The following ACOT11 variants were observed in gnomAD, a reference collection of about 807,000 sequenced individuals.
The protein encoded by ACOT11 is acyl-CoA thioesterase 11.
ACOT11 carries 69 observed loss-of-function variants against 77.5 expected under a neutral mutation model. That is an observed-to-expected ratio of 0.89 (90% CI 0.73 to 1.09). The LOEUF (loss-of-function observed/expected upper bound fraction) is 1.09. Ranked by LOEUF, ACOT11 falls within the 50% of genes least tolerant of loss-of-function variation. The probability of loss-of-function intolerance (pLI) is 0.00; values close to 1 mark genes in which losing one functional copy is unlikely to be tolerated. For synonymous variants in ACOT11, 279 were observed against 313.0 expected, an observed-to-expected ratio of 0.89 and a Z score of 1.15; for missense variants, 766 against 813.7, an observed-to-expected ratio of 0.94 and a Z score of 0.71.
At chr1:54,632,649 G>A (rs1044234823) in intron 16 of ACOT11, among the ~76,000 whole-genome samples, 5 of 152,174 alleles carry the variant, frequency 3.3e-5, no homozygotes, top group African/African-American at 1.2e-4. Context: ...ACAAGGCAAA[G>A]CAGCTTATTG....
In ACOT11 at chr1:54,607,873, T is replaced by A; in HGVS notation, c.1503-69T>A. 1.3e-6 allele frequency: 2 copies of A among 1,593,942 alleles called. No individual in the cohort carries two copies. Among genetic ancestry groups the A allele is most frequent in the Non-Finnish European group, 8.6e-7 (1 of 1,167,314 alleles). On this transcript the variant is annotated intron_variant, in intron 14 of 15. Transcript: ENST00000343744. The surrounding 1 kb of genome is among the most constrained non-coding windows in gnomAD (Gnocchi z 4.5). ...GAGGGGGCAGGGTCTCGGCCTTGGT[T>A]GGGCAGAACAGGCCCCCACTTTCTT...
intron 1 of ACOT11, among the ~76,000 whole-genome samples, chr1:54,553,186 G>A (rs945832396): frequency 1.3e-5 from 2 of 151,558 alleles, no homozygotes; most frequent in Non-Finnish European, 2.9e-5. Context: ...ATTTTAATAT[G>A]CATAGCATAA....
chr1:54,612,428 A>T (rs1198693307), downstream of ACOT11: 23 of 1,269,284 alleles, frequency 1.8e-5, no homozygotes, highest in Non-Finnish European at 2.4e-5. Context: ...AGCTTCTGGG[A>T]TCTTGCTGGG....
rs187793389 is a variant in ACOT11 at position 54,591,745 on chromosome 1, G to C, written c.312-801G>C. On this transcript the variant is annotated intron_variant, in intron 3 of 15. Transcript: ENST00000343744. Reference sequence around the variant, plus strand: ...GGGAATCATTCCAGGAGGACAGGCTGCAGCTGGGAAAAGAGGGGCTGGTGC... The same window carrying C: ...GGGAATCATTCCAGGAGGACAGGCTCCAGCTGGGAAAAGAGGGGCTGGTGC... 1.3e-3 allele frequency among the ~76,000 whole-genome samples: 205 copies of C among 152,358 alleles called. 1 individual carries two copies. The highest frequency in any genetic ancestry group is 4.9e-3 in the African/African-American group (205 of 41,582).
At chr1:54,628,008 G>T (rs1367169031) in intron 15 of ACOT11, 2 of 133,406 alleles carry the variant, frequency 1.5e-5, no homozygotes, top group Non-Finnish European at 3.4e-5. Context: ...GCTTCAACCT[G>T]GATGGGTTGG....
In ACOT11 at chr1:54,584,845, C is replaced by A. The variant is rs1237783034; in HGVS notation, c.224C>A (p.Thr75Asn). 4.3e-6 allele frequency: 7 copies of A among 1,613,348 alleles called. No individual in the cohort carries two copies. In the East Asian group the frequency reaches 1.6e-4, roughly 36 times the overall value. ...GGGCAGCTGCTCAAGTGGATTGACA[C>A]CACGGCTTGCCTGTCCGGTAAGGCT... ...SVGQLLKWID[T>N]TACLSAERHA... Residue 75 changes from threonine to asparagine, a missense_variant, in exon 2 of 16, where the codon ACC (threonine) becomes AAC (asparagine). Transcript: ENST00000343744. This position sits in a 1 kb window ranked among gnomAD's most constrained non-coding sequence, Gnocchi z 6.3.
At position 54,610,016 on chromosome 1, in the gene ACOT11, G is replaced by A. The variant is rs1644099053; in HGVS notation, c.*904G>A. The A allele has an allele frequency of 6.6e-7, 1 of 1,505,300 alleles. No individual in the cohort carries two copies. Among genetic ancestry groups the A allele is most frequent in the Non-Finnish European group, 8.8e-7 (1 of 1,130,754 alleles). The allele number at this position is 1,505,300 out of a possible 1,614,324, so 93.2% of individuals were successfully genotyped here. On this transcript the variant is annotated 3_prime_UTR_variant, in exon 16 of 16. Coordinates refer to ENST00000343744, the MANE Select transcript of ACOT11 (RefSeq NM_147161.4). ...GGTGTTAAGAGTCCCTTGTTAAAGG[G>A]GCAGTGGGAGTTATGGGGTCATCAA...
In ACOT11 at chr1:54,607,253, C is replaced by G; in HGVS notation, c.1490C>G (p.Pro497Arg). The stretch of plus-strand genomic sequence containing the variant: ...GTGATCCTGGCCTCGAGGCGGAAGC[C>G]TTGTGACAATGGGTGTGTGCCTATC... ...DFVILASRRK[P>R]CDNGDPYVIA... Residue 497 changes from proline to arginine, a missense_variant, in exon 14 of 16, where the codon CCT becomes CGT. Physicochemically the swap from Pro to Arg is moderately radical, Grantham distance 103. Transcript: ENST00000343744. This position sits in a 1 kb window ranked among gnomAD's most constrained non-coding sequence, Gnocchi z 4.5. 5 of 1,614,122 alleles carry G rather than the reference C, an allele frequency of 3.1e-6. No homozygotes were observed. The highest frequency in any genetic ancestry group is 4.2e-6 in the Non-Finnish European group (5 of 1,180,004).
chr1:54,552,438 A>G (rs1020632415), intron 1 of ACOT11, among the ~76,000 whole-genome samples: 7 of 152,070 alleles, frequency 4.6e-5, no homozygotes, highest in African/African-American at 1.7e-4. Context: ...CAGGAGCCAT[A>G]TGTGAACCCC....
intron 10 of ACOT11, 72 bp downstream of exon 10, chr1:54,602,796 C>G (rs907025780): frequency 6.5e-5 from 92 of 1,406,908 alleles, no homozygotes; most frequent in Non-Finnish European, 8.0e-5. Flanking sequence ...CCAGGGCACT[C>G]GCTTTTCTTC....
At chr1:54,611,991 T>C (rs1160394171), downstream of ACOT11, among the ~76,000 whole-genome samples, 1 of 150,462 alleles carries the variant, frequency 6.6e-6, no homozygotes, top group African/African-American at 2.5e-5. Flanking sequence ...TCACTTGCAG[T>C]GTCTATTTCT....
chr1:54,592,519 G>C, intron 3 of ACOT11, 27 bp from the exon 4 acceptor site: 1 of 1,606,434 alleles, frequency 6.2e-7, no homozygotes. Context: ...CCTCTGGAAG[G>C]CTCACCTCCT....
Position 54,620,827 on chromosome 1 carries a change from G to A in ACOT11, c.1630-9907G>A, listed in dbSNP as rs192830008. Among the ~76,000 whole-genome samples the A allele has an allele frequency of 1.1e-4, 11 of 98,634 alleles. No individual in the cohort carries two copies. In the East Asian group the frequency reaches 3.6e-3, roughly 32 times the overall value. 64.7% of individuals were successfully genotyped at this position (98,634 alleles called of 152,430 possible). A position where few individuals can be genotyped will look rare whatever the true frequency, so the allele number is the denominator to read the frequency against. Reference sequence around the variant, plus strand: ...TTGCACCACTGTACTCAGCCTGGATGACACAAAGAGACTCTGTCAAAAAAA... The same window carrying A: ...TTGCACCACTGTACTCAGCCTGGATAACACAAAGAGACTCTGTCAAAAAAA... On this transcript the variant is annotated intron_variant, in intron 15 of 16. Transcript: ENST00000371316.
intron 15 of ACOT11, among the ~76,000 whole-genome samples, chr1:54,619,111 G>C (rs1391171427): frequency 1.3e-5 from 2 of 152,208 alleles, no homozygotes; most frequent in Non-Finnish European, 1.5e-5. Flanking sequence ...TCTCAAAGTT[G>C]GTCCTGGGGC....
At chr1:54,604,948 G>C (rs913845001) in intron 12 of ACOT11, 128 bp from the exon 13 acceptor site, 19 of 976,288 alleles carry the variant, frequency 1.9e-5, no homozygotes, top group Non-Finnish European at 2.4e-5. Context: ...GACTCAGAGA[G>C]GTTGAGCTGC....
chr1:54,556,541 T>A (rs1355648765), intron 1 of ACOT11, among the ~76,000 whole-genome samples: 1 of 152,176 alleles, frequency 6.6e-6, no homozygotes, highest in Non-Finnish European at 1.5e-5. Flanking sequence ...TTCATTTATA[T>A]CTTCTTCAAT....
In ACOT11 at chr1:54,578,790, A is replaced by AT. The variant is rs570910357; in HGVS notation, c.34-5858dup. Among the ~76,000 whole-genome samples, 45 of 152,032 alleles carry AT rather than the reference A, an allele frequency of 3.0e-4. No homozygotes were observed. In the East Asian group the frequency reaches 6.4e-3, roughly 22 times the overall value. On this transcript the variant is annotated intron_variant, in intron 1 of 15. Coordinates refer to ENST00000343744, the MANE Select transcript of ACOT11 (RefSeq NM_147161.4). Reference sequence around the variant, plus strand: ...TTTGGAAGCCCAAAGAGGAATGTTTATTTTTTTAATTTTTATTTTTACTTG... The same window carrying AT: ...TTTGGAAGCCCAAAGAGGAATGTTTATTTTTTTTAATTTTTATTTTTACTTG...
At chr1:54,557,262 C>T (rs1412650624) in intron 1 of ACOT11, among the ~76,000 whole-genome samples, 7 of 151,184 alleles carry the variant, frequency 4.6e-5, no homozygotes, top group African/African-American at 7.3e-5. Flanking sequence ...TATGGTGGTG[C>T]GCACCTGTAA....
At chr1:54,582,572 G>T in intron 1 of ACOT11, 2 of 970,380 alleles carry the variant, frequency 2.1e-6, no homozygotes, top group Non-Finnish European at 2.5e-6. Flanking sequence ...GGAAACGGGA[G>T]TGCATGGGAG....
Sources: allele counts gnomAD v4.1 joint callset (sites outside exome capture counted in the v4.1 genomes callset), GRCh38; gene constraint gnomAD v4.1.1; non-coding constraint Gnocchi (gnomAD v3.1); transcripts MANE v1.5; gene names NCBI Gene and HGNC (gene_info 2026-07-23, HGNC 2026-07-21).